Variants in ICE2 observed in about 807,000 individuals in gnomAD.
The protein encoded by ICE2 is interactor of little elongation complex ELL subunit 2.
Under a neutral mutation model 105.4 loss-of-function variants are expected in ICE2, and 87 were observed. The observed-to-expected ratio is 0.83, with a 90% CI of 0.69 to 0.99. ICE2 has a LOEUF of 0.99. ICE2 is among the 50% of genes least tolerant of loss of function. The probability of loss-of-function intolerance (pLI) is 0.00; values close to 1 mark genes in which losing one functional copy is unlikely to be tolerated. For synonymous variants in ICE2, 399 were observed against 392.0 expected (o/e 1.02, Z -0.21); for missense variants, 1,323 against 1,146.7 (o/e 1.15, Z -2.22).
intron 5 of ICE2, among the ~76,000 whole-genome samples, chr15:60,464,479 T>C (rs2064366924): frequency 1.3e-5 from 2 of 152,188 alleles, no homozygotes; most frequent in Admixed American, 1.3e-4. Context: ...CCCTCATTGA[T>C]AGGTGACATC....
chr15:60,462,317 G>T (rs139626429), intron 5 of ICE2, among the ~76,000 whole-genome samples: 30 of 152,240 alleles, frequency 2.0e-4, no homozygotes, highest in Admixed American at 1.0e-3. Flanking sequence ...TTTCAGTCAG[G>T]AGGAAAAATT....
intron 3 of ICE2, among the ~76,000 whole-genome samples, chr15:60,473,421 T>G (rs1394969254): frequency 6.6e-6 from 1 of 151,982 alleles, no homozygotes; most frequent in Admixed American, 6.6e-5. Context: ...GCCTCCCCAG[T>G]AGCTGAGACT....
intron 15 of ICE2, among the ~76,000 whole-genome samples, chr15:60,425,376 G>A (rs1012684433): frequency 6.6e-6 from 1 of 152,226 alleles, no homozygotes; most frequent in South Asian, 2.1e-4. Context: ...TAAAATTTTT[G>A]AGAAAAGCAA....
intron 11 of ICE2, among the ~76,000 whole-genome samples, chr15:60,444,887 G>A (rs1286736203): frequency 6.6e-6 from 1 of 152,058 alleles, no homozygotes; most frequent in Non-Finnish European, 1.5e-5. Context: ...GTTTCACCAC[G>A]TGGGCCAGGC....
rs1195688308 is a variant in ICE2 at position 60,455,225 on chromosome 15, CAA to C, written c.784-65_784-64del. The C allele has an allele frequency of 9.2e-6, 14 of 1,525,104 alleles. 1 individual carries two copies. In the South Asian group the frequency reaches 1.8e-4, roughly 19 times the overall value. 94.5% of individuals were successfully genotyped at this position (1,525,104 alleles called of 1,614,324 possible). ...TATTGAAAATTTCTTCAATAAAGAA[CAA>C]AAAAAGTCAGAAAGGGGACTTTGGG... On this transcript the variant is annotated intron_variant, in intron 7 of 15. Coordinates refer to ENST00000261520, the MANE Select transcript of ICE2 (RefSeq NM_024611.6).
At chr15:60,446,140 A>G (rs2063817418) in intron 11 of ICE2, among the ~76,000 whole-genome samples, 1 of 152,220 alleles carries the variant, frequency 6.6e-6, no homozygotes, top group African/African-American at 2.4e-5. Flanking sequence ...AATTAAAGCC[A>G]TTTGGTTTCT....
chr15:60,442,107 A>C lies in ICE2; in HGVS notation c.2425+309T>G, dbSNP rs575208617. ...GCTAGAAGTTCAAGACCAGTCTGGC[A>C]ATATAATGAGACCCCATCTCAAGAA... On this transcript the variant is annotated intron_variant, in intron 12 of 15. Coordinates refer to ENST00000261520, the MANE Select transcript of ICE2 (RefSeq NM_024611.6). The C allele has an allele frequency of 4.9e-5, 10 of 202,088 alleles. No individual in the cohort carries two copies. The South Asian group carries it at 1.0e-3, about 21-fold the overall frequency. The allele number at this position is 202,088 out of a possible 1,614,324, so 12.5% of individuals were successfully genotyped here. A position where few individuals can be genotyped will look rare whatever the true frequency, so the allele number is the denominator to read the frequency against.
chr15:60,477,911 T>C, intron 2 of ICE2, 26 bp downstream of exon 2: 1 of 1,602,320 alleles, frequency 6.2e-7, no homozygotes, highest in South Asian at 1.1e-5. Context: ...TCCTCTTCAG[T>C]GGATTACAAA....
chr15:60,432,032 C>G, intron 13 of ICE2, 48 bp from the exon 14 acceptor site: 1 of 1,072,866 alleles, frequency 9.3e-7, no homozygotes, highest in Non-Finnish European at 1.4e-6. Context: ...AAAAAACTTA[C>G]TTTTAGCAAT....
intron 12 of ICE2, chr15:60,441,165 G>A (rs557170685): frequency 5.3e-5 from 8 of 152,142 alleles, no homozygotes; most frequent in African/African-American, 1.9e-4. Context: ...GTTGGTGTGA[G>A]GTCTTTGGAG....
At chr15:60,446,620 C>G (rs1416338681) in intron 11 of ICE2, among the ~76,000 whole-genome samples, 1 of 152,160 alleles carries the variant, frequency 6.6e-6, no homozygotes, top group Non-Finnish European at 1.5e-5. Context: ...TGGTCTCAAT[C>G]TCCTGACCTC....
At chr15:60,458,195 CA>C (rs5813028) in intron 5 of ICE2, among the ~76,000 whole-genome samples, 3,764 of 151,826 alleles carry the variant, frequency 0.025, 136 homozygotes, top group African/African-American at 0.081. Flanking sequence ...GCTTATGTAG[CA>C]AAAAAATGTT....
chr15:60,429,375 G>C (rs550514126), intron 14 of ICE2, among the ~76,000 whole-genome samples: 193 of 152,300 alleles, frequency 1.3e-3, no homozygotes, highest in African/African-American at 4.4e-3. Flanking sequence ...TGTGAGTGTA[G>C]GCTTAGATAT....
chr15:60,455,243 G>A, intron 7 of ICE2, 81 bp from the exon 8 acceptor site: 1 of 1,504,268 alleles, frequency 6.6e-7, no homozygotes, highest in Non-Finnish European at 9.1e-7. Context: ...GTCAGAAAGG[G>A]GACTTTGGGA....
In ICE2 at chr15:60,468,225, T is replaced by C. The variant is rs753709361; in HGVS notation, c.244A>G (p.Ile82Val). 3 of 1,614,070 alleles carry C rather than the reference T, an allele frequency of 1.9e-6. No homozygotes were observed. Among genetic ancestry groups the C allele is most frequent in the Non-Finnish European group, 2.5e-6 (3 of 1,179,948 alleles). The change falls in exon 4 of 16, where the codon ATT (isoleucine) becomes GTT (valine). Residue 82 changes from isoleucine to valine, a missense_variant. Coordinates refer to ENST00000261520, the MANE Select transcript of ICE2 (RefSeq NM_024611.6). ...GGTTTTGGAAGAAGAACCATTCCAA[T>C]TGTGGTTTTAACTTTTTCCTTTGCT... is the stretch of plus-strand genomic sequence containing the variant. Reference protein sequence around the residue: ...TQAKEKVKTTIGMVLLPKPRV... With the variant: ...TQAKEKVKTTVGMVLLPKPRV...
At chr15:60,453,886 A>T (rs978370266) in intron 8 of ICE2, 102 bp from the exon 9 acceptor site, 1 of 886,816 alleles carries the variant, frequency 1.1e-6, no homozygotes, top group African/African-American at 1.7e-5. Context: ...AAAGAGACAC[A>T]GGAGAATGGC....
chr15:60,428,757 A>C, intron 14 of ICE2, 70 bp from the exon 15 acceptor site: 1 of 1,502,782 alleles, frequency 6.7e-7, no homozygotes, highest in Middle Eastern at 1.8e-4. Flanking sequence ...TCTTAATCAT[A>C]ATCTATTAGT....
intron 14 of ICE2, among the ~76,000 whole-genome samples, chr15:60,429,154 G>C (rs1344462127): frequency 1.3e-5 from 2 of 152,204 alleles, no homozygotes; most frequent in African/African-American, 4.8e-5. Flanking sequence ...GGAAGAAACA[G>C]TCAATGGAAC....
intron 14 of ICE2, among the ~76,000 whole-genome samples, chr15:60,429,905 A>T (rs2063418654): frequency 6.6e-6 from 1 of 152,204 alleles, no homozygotes; most frequent in Non-Finnish European, 1.5e-5. Context: ...TTTACAGAAG[A>T]ATATATTAAT....
Sources: allele counts gnomAD v4.1 joint callset (sites outside exome capture counted in the v4.1 genomes callset), GRCh38; gene constraint gnomAD v4.1.1; transcripts MANE v1.5; gene names NCBI Gene and HGNC (gene_info 2026-07-23, HGNC 2026-07-21).